Variants in ENTHD1 observed in about 807,000 individuals in gnomAD.
The protein encoded by ENTHD1 is ENTH domain-containing protein 1.
In ENTHD1, 23 loss-of-function variants were observed where a neutral mutation model predicts 39.1. The observed-to-expected ratio is 0.59, with a 90% CI of 0.42 to 0.83. The LOEUF (loss-of-function observed/expected upper bound fraction) is 0.83, where lower values mean the gene tolerates loss of function less well. ENTHD1 is among the 40% of genes least tolerant of loss of function. The pLI is 0.00. For synonymous variants in ENTHD1, 230 were observed against 258.2 expected, an observed-to-expected ratio of 0.89 and a Z score of 1.05; for missense variants, 624 against 705.4, an observed-to-expected ratio of 0.88 and a Z score of 1.31.
chr22:39,762,358 G>A (rs1341478544), intron 6 of ENTHD1, among the ~76,000 whole-genome samples: 1 of 151,974 alleles, frequency 6.6e-6, no homozygotes, highest in African/African-American at 2.4e-5. Flanking sequence ...GGACTGAAGA[G>A]TACCCTCAGA....
At chr22:39,757,497 C>A (rs1238470877) in intron 6 of ENTHD1, among the ~76,000 whole-genome samples, 1 of 151,808 alleles carries the variant, frequency 6.6e-6, no homozygotes, top group Admixed American at 6.6e-5. Context: ...GTCAACATGG[C>A]GAAACCCCAT....
chr22:39,794,285 T>C (rs1353168209), intron 5 of ENTHD1, among the ~76,000 whole-genome samples: 1 of 152,214 alleles, frequency 6.6e-6, no homozygotes, highest in Non-Finnish European at 1.5e-5. Context: ...ATAGAAATGC[T>C]ACTGATTTTT....
At chr22:39,875,824 T>C in intron 2 of ENTHD1, 5 of 1,613,810 alleles carry the variant, frequency 3.1e-6, no homozygotes, top group South Asian at 1.1e-5. Context: ...TTGTACGTCA[T>C]AGAACCCAGA....
intron 3 of ENTHD1, among the ~76,000 whole-genome samples, chr22:39,844,274 G>T (rs771078857): frequency 6.6e-6 from 1 of 152,104 alleles, no homozygotes. Context: ...TAAGAAAAGT[G>T]AAAAAGAACC....
At chr22:39,860,071 G>A (rs2066127287) in intron 3 of ENTHD1, among the ~76,000 whole-genome samples, 1 of 152,030 alleles carries the variant, frequency 6.6e-6, no homozygotes, top group African/African-American at 2.4e-5. Flanking sequence ...TACAGGACTT[G>A]TTATTATCTG....
chr22:39,872,906 T>G (rs1186773587), intron 2 of ENTHD1, among the ~76,000 whole-genome samples: 3 of 151,784 alleles, frequency 2.0e-5, no homozygotes, highest in Middle Eastern at 3.2e-3. Flanking sequence ...CATAGCTCAC[T>G]GCAACCTCAA....
chr22:39,876,609 A>G (rs2066291736), intron 2 of ENTHD1, among the ~76,000 whole-genome samples: 1 of 152,058 alleles, frequency 6.6e-6, no homozygotes, highest in Non-Finnish European at 1.5e-5. Flanking sequence ...AGGTGATTAA[A>G]ATGTTCTTTA....
rs759879773 is a variant in ENTHD1 at position 39,830,235 on chromosome 22, C to A, written c.711+5605G>T. Among the ~76,000 whole-genome samples the A allele has an allele frequency of 9.2e-5, 14 of 152,202 alleles. No homozygotes were observed. In the South Asian group the frequency reaches 1.2e-3, roughly 14 times the overall value. ...GGATTACAGGTACACACCACCACGC[C>A]CGGTAATTTTCGTATTTTTAGTAGA... On this transcript the variant is annotated intron_variant, in intron 4 of 6. Transcript: ENST00000325157.
intron 5 of ENTHD1, among the ~76,000 whole-genome samples, chr22:39,767,256 G>A (rs1260701961): frequency 1.7e-4 from 26 of 152,130 alleles, no homozygotes; most frequent in Admixed American, 1.7e-3. Context: ...AAGGAAATAG[G>A]TAGATGAAAA....
At chr22:39,872,311 CT>C (rs1410657637) in intron 2 of ENTHD1, among the ~76,000 whole-genome samples, 2 of 152,064 alleles carry the variant, frequency 1.3e-5, no homozygotes, top group Non-Finnish European at 1.5e-5. Context: ...TTTTATTTTT[CT>C]TGAATGTATT....
At chr22:39,792,511 T>A (rs1375988235) in intron 5 of ENTHD1, among the ~76,000 whole-genome samples, 3 of 152,156 alleles carry the variant, frequency 2.0e-5, no homozygotes, top group African/African-American at 7.2e-5. Context: ...TCTTAAGCCT[T>A]ATGATCAAAA....
In ENTHD1 at chr22:39,834,603, T is replaced by TC. The variant is rs565285119; in HGVS notation, c.711+1236_711+1237insG. ...ATTTTTGCAAAACTTGGCACACACT[T>TC]ACCGTACAACCCTACAACTCTCTGA... On this transcript the variant is annotated intron_variant, in intron 4 of 6. Coordinates refer to ENST00000325157, the MANE Select transcript of ENTHD1 (RefSeq NM_152512.4). Among the ~76,000 whole-genome samples the TC allele has an allele frequency of 4.8e-3, 725 of 152,282 alleles. 2 individuals carry two copies. The highest frequency in any genetic ancestry group is 7.6e-3 in the Non-Finnish European group (516 of 68,014).
chr22:39,803,066 A>G (rs915543520), intron 5 of ENTHD1, among the ~76,000 whole-genome samples: 8 of 152,196 alleles, frequency 5.3e-5, no homozygotes, highest in Non-Finnish European at 1.2e-4. Context: ...AATACAAATC[A>G]GATTCTATCC....
chr22:39,759,577 T>C (rs1049719768), intron 6 of ENTHD1, among the ~76,000 whole-genome samples: 18 of 152,096 alleles, frequency 1.2e-4, no homozygotes, highest in African/African-American at 4.1e-4. Context: ...TTATTTCATT[T>C]ATTCTTATTT....
intron 5 of ENTHD1, among the ~76,000 whole-genome samples, chr22:39,779,613 A>T (rs941654541): frequency 6.6e-6 from 1 of 152,152 alleles, no homozygotes; most frequent in East Asian, 1.9e-4. Context: ...AAGTACATGG[A>T]CAAGCCAGAA....
chr22:39,874,881 A>G (rs1489836875), intron 2 of ENTHD1, among the ~76,000 whole-genome samples: 1 of 152,234 alleles, frequency 6.6e-6, no homozygotes, highest in Admixed American at 6.5e-5. Flanking sequence ...GTTGATAAGG[A>G]TGTGAACAAC....
In ENTHD1 at chr22:39,791,561, AT is replaced by A. The variant is rs533943754; in HGVS notation, c.833-25953del. The stretch of plus-strand genomic sequence containing the variant: ...AGGTGTGTGCCACCAGGCCTGGCTG[AT>A]TTTTTTTGTATTTTTATTAGAGACG... On this transcript the variant is annotated intron_variant, in intron 5 of 6. Coordinates refer to ENST00000325157, the MANE Select transcript of ENTHD1 (RefSeq NM_152512.4). 4.1e-3 allele frequency among the ~76,000 whole-genome samples: 620 copies of A among 150,886 alleles called. 6 individuals are homozygous for A. The highest frequency in any genetic ancestry group is 0.012 in the African/African-American group (491 of 41,140).
chr22:39,785,257 T>G (rs1476638419), intron 5 of ENTHD1, among the ~76,000 whole-genome samples: 1 of 152,202 alleles, frequency 6.6e-6, no homozygotes, highest in Non-Finnish European at 1.5e-5. Flanking sequence ...GTTCCAGCCC[T>G]CCTCAAGTCT....
chr22:39,800,770 C>T (rs1289169199), intron 5 of ENTHD1, among the ~76,000 whole-genome samples: 1 of 152,228 alleles, frequency 6.6e-6, no homozygotes, highest in Non-Finnish European at 1.5e-5. Flanking sequence ...TTTCCTTTAG[C>T]TCCCATGGAT....
Sources: gnomAD v4.1 joint callset for allele counts (sites outside exome capture counted in the v4.1 genomes callset) on GRCh38, gnomAD v4.1.1 for gene constraint, MANE v1.5 for transcripts, NCBI Gene and HGNC (gene_info 2026-07-23, HGNC 2026-07-21) for gene names.